The following SGMS1 variants were observed in gnomAD, a reference collection of about 807,000 sequenced individuals.
SGMS1 encodes phosphatidylcholine:ceramide cholinephosphotransferase 1.
SGMS1 carries 13 observed loss-of-function variants against 46.2 expected under a neutral mutation model. The observed-to-expected ratio is 0.28, with a 90% CI of 0.18 to 0.45. The LOEUF is 0.45. SGMS1 is among the 20% of genes least tolerant of loss of function. SGMS1 has a pLI of 1.00. For missense variants in SGMS1, 324 were observed against 519.9 expected, an observed-to-expected ratio of 0.62 and a Z score of 3.66; for synonymous variants, 203 against 187.8, an observed-to-expected ratio of 1.08 and a Z score of -0.66.
chr10:50,543,344 G>A (rs1263334692), intron 2 of SGMS1, among the ~76,000 whole-genome samples: 1 of 152,230 alleles, frequency 6.6e-6, no homozygotes, highest in Non-Finnish European at 1.5e-5. Flanking sequence ...AGGCCCAAGA[G>A]CTGGCCCTCA....
intron 7 of SGMS1, among the ~76,000 whole-genome samples, chr10:50,329,741 A>G (rs909807186): frequency 6.6e-6 from 1 of 152,250 alleles, no homozygotes; most frequent in Non-Finnish European, 1.5e-5. Flanking sequence ...GAAGATGTAC[A>G]GTACAATTTT....
At chr10:50,609,701 A>G (rs1564443746) in intron 1 of SGMS1, among the ~76,000 whole-genome samples, 1 of 152,026 alleles carries the variant, frequency 6.6e-6, no homozygotes, top group African/African-American at 2.4e-5. Flanking sequence ...ACTTTTCACT[A>G]TGATAAAGAG....
chr10:50,596,969 G>C (rs1261608680), intron 1 of SGMS1, among the ~76,000 whole-genome samples: 1 of 152,136 alleles, frequency 6.6e-6, no homozygotes, highest in Admixed American at 6.5e-5. Context: ...TTTGAACATG[G>C]GGTCTTTATT....
At chr10:50,462,846 G>A (rs956484107) in intron 4 of SGMS1, among the ~76,000 whole-genome samples, 8 of 152,094 alleles carry the variant, frequency 5.3e-5, no homozygotes, top group Non-Finnish European at 8.8e-5. Context: ...GAGCAGAGCT[G>A]GTGGGAACCT....
intron 3 of SGMS1, among the ~76,000 whole-genome samples, chr10:50,517,362 A>G (rs1364417323): frequency 2.6e-5 from 4 of 152,206 alleles, no homozygotes; most frequent in Non-Finnish European, 4.4e-5. Flanking sequence ...AGACAGAAAT[A>G]AAGATTTTAG....
chr10:50,316,455 A>G lies in SGMS1; in HGVS notation c.742-5040T>C, dbSNP rs141150118. 3.3e-4 allele frequency among the ~76,000 whole-genome samples: 51 copies of G among 152,322 alleles called. No individual in the cohort carries two copies. In the East Asian group the frequency reaches 7.9e-3, roughly 24 times the overall value. ...ATTTAAATGTGCTATTTACAAAACT[A>G]TATGCTGCCTTGTGCACAGCTTGGC... On this transcript the variant is annotated intron_variant, in intron 8 of 10. Transcript: ENST00000361781.
At chr10:50,576,538 A>C (rs1414931474) in intron 2 of SGMS1, among the ~76,000 whole-genome samples, 6 of 152,212 alleles carry the variant, frequency 3.9e-5, no homozygotes, top group African/African-American at 1.4e-4. Context: ...AATAGATAGA[A>C]TATTTCATTC....
At chr10:50,400,350 G>A (rs542622003) in intron 6 of SGMS1, among the ~76,000 whole-genome samples, 1 of 130,504 alleles carries the variant, frequency 7.7e-6, no homozygotes, top group South Asian at 2.5e-4. Flanking sequence ...CATAGCTTGT[G>A]AAGATCAACA....
At position 50,327,229 on chromosome 10, in the gene SGMS1, A is replaced by G. The variant is rs1272603950; in HGVS notation, c.717T>C (p.Gly239=). 1 of 1,595,066 alleles carries G rather than the reference A, an allele frequency of 6.3e-7. No homozygotes were observed. The highest frequency in any genetic ancestry group is 1.3e-5 in the African/African-American group (1 of 74,654). The change falls in exon 8 of 11, where the codon GGT becomes GGC. Residue 239 remains glycine (G), a synonymous_variant. Transcript: ENST00000361781. ...CCTTCGGAGAACAGTTGAAATGCATACCAGGTACTGGGAGTGTAGTTACAT... is the reference window on the plus strand; with the variant it reads ...CCTTCGGAGAACAGTTGAAATGCATGCCAGGTACTGGGAGTGTAGTTACAT... The part of the protein sequence containing the change: ...TMYVTTLPVP[G]MHFNCSPKLF...
chr10:50,594,438 T>C (rs981766022), intron 1 of SGMS1, among the ~76,000 whole-genome samples: 9 of 152,232 alleles, frequency 5.9e-5, no homozygotes, highest in Non-Finnish European at 1.2e-4. Context: ...AATTCAAGAT[T>C]AAAACAGGAG....
At chr10:50,353,192 A>T (rs1028097334) in intron 6 of SGMS1, among the ~76,000 whole-genome samples, 1 of 152,284 alleles carries the variant, frequency 6.6e-6, no homozygotes, top group African/African-American at 2.4e-5. Context: ...ATCCTCAATA[A>T]AATACTGGCA....
chr10:50,388,714 T>C (rs985136142), intron 6 of SGMS1, among the ~76,000 whole-genome samples: 8 of 152,150 alleles, frequency 5.3e-5, no homozygotes, highest in African/African-American at 1.7e-4. Context: ...AGTGGGCCTA[T>C]ATATTTTAAC....
At chr10:50,559,296 C>T (rs1588876723) in intron 2 of SGMS1, among the ~76,000 whole-genome samples, 1 of 152,180 alleles carries the variant, frequency 6.6e-6, no homozygotes, top group East Asian at 1.9e-4. Flanking sequence ...AACCATACAA[C>T]CACACAGCCC....
chr10:50,480,789 AC>A (rs1412842629), intron 3 of SGMS1, among the ~76,000 whole-genome samples: 4 of 152,156 alleles, frequency 2.6e-5, no homozygotes, highest in Admixed American at 2.6e-4. Flanking sequence ...GGGGGCAGCC[AC>A]CATCACTGAG....
intron 6 of SGMS1, among the ~76,000 whole-genome samples, chr10:50,358,313 C>T (rs1241104378): frequency 6.6e-6 from 1 of 152,102 alleles, no homozygotes; most frequent in Admixed American, 6.6e-5. Context: ...AAGGGCAATA[C>T]AAATCAAGAA....
At chr10:50,392,204 C>T (rs1256607909) in intron 6 of SGMS1, among the ~76,000 whole-genome samples, 2 of 133,930 alleles carry the variant, frequency 1.5e-5, no homozygotes, top group East Asian at 4.3e-4. Context: ...AAAAAAAAAA[C>T]TGAAATGTTG....
chr10:50,490,788 G>A lies in SGMS1; in HGVS notation c.-497-23856C>T, dbSNP rs201046809. ...TGCAGGAATTTGACAAGTAGTGACTGAACACATGTTAGCTATTATTAATAT... is the reference window on the plus strand; with the variant it reads ...TGCAGGAATTTGACAAGTAGTGACTAAACACATGTTAGCTATTATTAATAT... On this transcript the variant is annotated intron_variant, in intron 3 of 10. Coordinates refer to ENST00000361781, the MANE Select transcript of SGMS1 (RefSeq NM_147156.4). Among the ~76,000 whole-genome samples the A allele has an allele frequency of 4.6e-5, 7 of 152,198 alleles. No homozygotes were observed. In the East Asian group the frequency reaches 1.4e-3, roughly 29 times the overall value.
chr10:50,507,728 T>C (rs1037717740), intron 3 of SGMS1, among the ~76,000 whole-genome samples: 4 of 152,194 alleles, frequency 2.6e-5, no homozygotes, highest in Non-Finnish European at 4.4e-5. Flanking sequence ...TAACACCACT[T>C]ACCAGAACCA....
At chr10:50,497,798 A>G (rs1273522377) in intron 3 of SGMS1, among the ~76,000 whole-genome samples, 2 of 152,170 alleles carry the variant, frequency 1.3e-5, no homozygotes, top group Non-Finnish European at 2.9e-5. Flanking sequence ...CATCTAAAAA[A>G]AAAAAAATTC....
Sources: allele counts gnomAD v4.1 joint callset (sites outside exome capture counted in the v4.1 genomes callset), GRCh38; gene constraint gnomAD v4.1.1; transcripts MANE v1.5; gene names NCBI Gene and HGNC (gene_info 2026-07-23, HGNC 2026-07-21).